Variants in COX7B2 observed in about 807,000 individuals in gnomAD.
COX7B2 encodes cytochrome c oxidase subunit 7B2, mitochondrial.
For missense variants in COX7B2, 109 were observed against 95.9 expected, an observed-to-expected ratio of 1.14 and a Z score of -0.57; for synonymous variants, 37 against 32.1, an observed-to-expected ratio of 1.15 and a Z score of -0.51.
At chr4:46,830,324 C>CAAAAAAAAA (rs201868075) in intron 2 of COX7B2, among the ~76,000 whole-genome samples, 8 of 82,134 alleles carry the variant, frequency 9.7e-5, no homozygotes, top group Admixed American at 2.6e-4. Flanking sequence ...ACTCTGTCTC[C>CAAAAAAAAA]AAAAAAAAAA....
chr4:46,870,177 G>A (rs1290666756), intron 1 of COX7B2, among the ~76,000 whole-genome samples: 1 of 151,808 alleles, frequency 6.6e-6, no homozygotes, highest in Non-Finnish European at 1.5e-5. Flanking sequence ...CTACTCGTAA[G>A]TACATTGTAA....
chr4:46,849,561 A>T lies in COX7B2; in HGVS notation c.-104-4547T>A, dbSNP rs541431073. ...AAATGATTTGAGGTGGCTTGCATGA[A>T]AATGGAAATAGAGACTTAGAGAAGA... On this transcript the variant is annotated intron_variant, in intron 1 of 2. Coordinates refer to ENST00000355591, the MANE Select transcript of COX7B2 (RefSeq NM_130902.3). Among the ~76,000 whole-genome samples the T allele has an allele frequency of 3.3e-5, 5 of 152,216 alleles. No homozygotes were observed. The East Asian group carries it at 9.7e-4, about 29-fold the overall frequency.
chr4:46,735,814 CT>C (rs1362925652), intron 2 of COX7B2, among the ~76,000 whole-genome samples: 19 of 152,144 alleles, frequency 1.2e-4, no homozygotes, highest in Admixed American at 6.6e-4. Flanking sequence ...AATTTACAAA[CT>C]TTTTTTCATA....
At chr4:46,831,336 G>A (rs867693618) in intron 2 of COX7B2, among the ~76,000 whole-genome samples, 33 of 152,030 alleles carry the variant, frequency 2.2e-4, no homozygotes, top group African/African-American at 1.2e-4. Flanking sequence ...CTCCCACCCC[G>A]CCATGGGCTC....
At chr4:46,897,372 C>G (rs1231939110) in intron 1 of COX7B2, among the ~76,000 whole-genome samples, 1 of 152,206 alleles carries the variant, frequency 6.6e-6, no homozygotes, top group African/African-American at 2.4e-5. Context: ...CCAACACCAG[C>G]TCAGCTGGAT....
At chr4:46,744,242 C>T (rs145530440) in intron 2 of COX7B2, among the ~76,000 whole-genome samples, 2 of 152,146 alleles carry the variant, frequency 1.3e-5, no homozygotes, top group South Asian at 2.1e-4. Flanking sequence ...ACCAGATCCC[C>T]GCATCCAGAC....
chr4:46,778,078 T>C (rs1006149112), intron 2 of COX7B2, among the ~76,000 whole-genome samples: 1 of 152,110 alleles, frequency 6.6e-6, no homozygotes, highest in Non-Finnish European at 1.5e-5. Flanking sequence ...CAAAATGAAG[T>C]GATCCTTACC....
At chr4:46,832,104 G>A (rs998818947) in intron 2 of COX7B2, among the ~76,000 whole-genome samples, 2 of 152,150 alleles carry the variant, frequency 1.3e-5, no homozygotes, top group African/African-American at 4.8e-5. Context: ...CCAGCCAGCA[G>A]TGGCAACCTG....
intron 2 of COX7B2, among the ~76,000 whole-genome samples, chr4:46,827,490 C>G (rs992496095): frequency 1.3e-5 from 2 of 152,006 alleles, no homozygotes; most frequent in Non-Finnish European, 2.9e-5. Context: ...GTTTTTCAGC[C>G]AAATTCTGTA....
At chr4:46,805,757 T>C (rs1342929381) in intron 2 of COX7B2, among the ~76,000 whole-genome samples, 1 of 152,214 alleles carries the variant, frequency 6.6e-6, no homozygotes, top group African/African-American at 2.4e-5. Context: ...ATGTAATTTT[T>C]GATATACTGT....
intron 2 of COX7B2, among the ~76,000 whole-genome samples, chr4:46,813,148 C>T (rs531366983): frequency 6.6e-6 from 1 of 152,268 alleles, no homozygotes; most frequent in East Asian, 1.9e-4. Flanking sequence ...TAGCTTGACT[C>T]TAGGGAGTAG....
chr4:46,847,067 A>T (rs1239068837), intron 1 of COX7B2, among the ~76,000 whole-genome samples: 1 of 152,054 alleles, frequency 6.6e-6, no homozygotes, highest in Non-Finnish European at 1.5e-5. Context: ...AACACCATAG[A>T]TATAGCCGTT....
chr4:46,899,905 T>C (rs1719983837), intron 1 of COX7B2, among the ~76,000 whole-genome samples: 2 of 152,130 alleles, frequency 1.3e-5, no homozygotes, highest in African/African-American at 4.8e-5. Flanking sequence ...GTACTGGATA[T>C]GTGGAGAAAT....
intron 1 of COX7B2, among the ~76,000 whole-genome samples, chr4:46,845,959 G>T (rs1283207525): frequency 1.3e-5 from 2 of 152,010 alleles, no homozygotes; most frequent in East Asian, 1.9e-4. Flanking sequence ...TGAGCCAGTT[G>T]CTAGGAAATG....
intron 2 of COX7B2, among the ~76,000 whole-genome samples, chr4:46,754,728 G>GTATGTATATATA (rs1715662590): frequency 2.5e-5 from 1 of 39,866 alleles, no homozygotes; most frequent in South Asian, 1.9e-3. Flanking sequence ...GTGTGTGTGT[G>GTATGTATATATA]TATATATATA....
intron 2 of COX7B2, among the ~76,000 whole-genome samples, chr4:46,790,029 G>A (rs919944735): frequency 6.6e-6 from 1 of 151,338 alleles, no homozygotes; most frequent in African/African-American, 2.4e-5. Context: ...CAAAAACTTG[G>A]TTTTAGACAT....
chr4:46,855,354 GA>G (rs1273732695), intron 1 of COX7B2, among the ~76,000 whole-genome samples: 1 of 151,774 alleles, frequency 6.6e-6, no homozygotes, highest in Non-Finnish European at 1.5e-5. Context: ...ATTAAAAAAG[GA>G]AAAAATCAAT....
At chr4:46,786,455 A>C (rs2109569855) in intron 2 of COX7B2, among the ~76,000 whole-genome samples, 1 of 152,282 alleles carries the variant, frequency 6.6e-6, no homozygotes, top group South Asian at 2.1e-4. Context: ...AATGTAGCTA[A>C]ATATTGGCAT....
chr4:46,866,785 T>A (rs537591651), intron 1 of COX7B2, among the ~76,000 whole-genome samples: 142 of 152,228 alleles, frequency 9.3e-4, no homozygotes, highest in African/African-American at 3.3e-3. Flanking sequence ...CTATTACAAA[T>A]GTAATAGTGT....
Sources: gnomAD v4.1 joint callset for allele counts (sites outside exome capture counted in the v4.1 genomes callset) on GRCh38, gnomAD v4.1.1 for gene constraint, MANE v1.5 for transcripts, NCBI Gene and HGNC (gene_info 2026-07-23, HGNC 2026-07-21) for gene names.